Variants in HS2ST1 observed in about 807,000 individuals in gnomAD.
HS2ST1 encodes the protein heparan sulfate 2-O-sulfotransferase 1.
A neutral mutation model predicts 42.9 loss-of-function variants in HS2ST1; 18 were observed. The observed-to-expected ratio is 0.42, with a 90% confidence interval of 0.29 to 0.62. The LOEUF is 0.62. Ranked by LOEUF, HS2ST1 falls within the 20% of genes least tolerant of loss-of-function variation. The probability of loss-of-function intolerance (pLI) is 0.21; values close to 1 mark genes in which losing one functional copy is unlikely to be tolerated. For missense variants in HS2ST1, 334 were observed against 433.8 expected (o/e 0.77, Z 2.04); for synonymous variants, 146 against 152.9 (o/e 0.95, Z 0.33).
chr1:86,947,438 T>A lies in HS2ST1; in HGVS notation c.124+32278T>A, dbSNP rs117182878. The stretch of plus-strand genomic sequence containing the variant: ...TCCAGAAAAATATCTGTTGTTTGCG[T>A]ATTACTTGCCCTTGTTTAGTATAGT... On this transcript the variant is annotated intron_variant, in intron 1 of 6. Coordinates refer to ENST00000370550, the MANE Select transcript of HS2ST1 (RefSeq NM_012262.4). Among the ~76,000 whole-genome samples the A allele has an allele frequency of 2.5e-4, 38 of 152,320 alleles. No individual in the cohort carries two copies. The East Asian group carries it at 7.3e-3, about 29-fold the overall frequency.
At chr1:86,998,034 G>A (rs1649156987) in intron 1 of HS2ST1, among the ~76,000 whole-genome samples, 1 of 152,176 alleles carries the variant, frequency 6.6e-6, no homozygotes, top group Admixed American at 6.6e-5. Flanking sequence ...AGCAATATAT[G>A]ATTCTTACTA....
intron 1 of HS2ST1, among the ~76,000 whole-genome samples, chr1:87,043,267 T>A (rs558168911): frequency 6.6e-6 from 1 of 152,172 alleles, no homozygotes; most frequent in East Asian, 1.9e-4. Flanking sequence ...TCAGAATTAG[T>A]CCTACATTGA....
intron 3 of HS2ST1, among the ~76,000 whole-genome samples, chr1:87,090,380 A>C (rs1195234155): frequency 6.6e-6 from 1 of 152,030 alleles, no homozygotes; most frequent in Admixed American, 6.6e-5. Flanking sequence ...CTTTTAAAAA[A>C]AACTGTGAAA....
At chr1:87,044,931 C>T (rs1484901321) in intron 1 of HS2ST1, 19 of 1,557,280 alleles carry the variant, frequency 1.2e-5, no homozygotes, top group Middle Eastern at 1.7e-4. Context: ...CATTTCTGTT[C>T]AATCTAATGC....
chr1:87,069,265 T>C (rs1308196100), intron 1 of HS2ST1, among the ~76,000 whole-genome samples: 1 of 152,234 alleles, frequency 6.6e-6, no homozygotes, highest in African/African-American at 2.4e-5. Context: ...TGCAATTTAT[T>C]ACTCAAAGAT....
chr1:86,975,190 C>T (rs552391695), intron 1 of HS2ST1, among the ~76,000 whole-genome samples: 3 of 151,890 alleles, frequency 2.0e-5, no homozygotes, highest in Admixed American at 6.6e-5. Context: ...AAGTTTTATA[C>T]GCATATTTTA....
At chr1:86,918,263 C>T (rs1014119885) in intron 1 of HS2ST1, among the ~76,000 whole-genome samples, 5 of 151,552 alleles carry the variant, frequency 3.3e-5, no homozygotes, top group Non-Finnish European at 5.9e-5. Flanking sequence ...TTTTAAAAAA[C>T]AAATATGGCA....
intron 1 of HS2ST1, among the ~76,000 whole-genome samples, chr1:86,926,108 G>A (rs1181079136): frequency 6.6e-6 from 1 of 152,104 alleles, no homozygotes; most frequent in East Asian, 1.9e-4. Flanking sequence ...GACTAATTTT[G>A]CTCCATTACT....
At chr1:87,064,393 A>G (rs1261267882) in intron 1 of HS2ST1, 10 of 483,088 alleles carry the variant, frequency 2.1e-5, no homozygotes, top group East Asian at 5.5e-5. Flanking sequence ...ATTGTGTGCC[A>G]GTATTTTAGG....
intron 1 of HS2ST1, among the ~76,000 whole-genome samples, chr1:86,970,386 T>G (rs1308414302): frequency 1.3e-5 from 2 of 152,136 alleles, no homozygotes; most frequent in African/African-American, 4.8e-5. Context: ...TTAAAAGATT[T>G]TAAGCATAAT....
intron 1 of HS2ST1, among the ~76,000 whole-genome samples, chr1:86,998,830 C>T (rs1649186296): frequency 6.6e-6 from 1 of 152,186 alleles, no homozygotes; most frequent in South Asian, 2.1e-4. Context: ...AACTTTGCTA[C>T]TCAAACTGTG....
chr1:86,967,734 G>A (rs934909250), intron 1 of HS2ST1, among the ~76,000 whole-genome samples: 1 of 152,186 alleles, frequency 6.6e-6, no homozygotes, highest in African/African-American at 2.4e-5. Context: ...TACCTTTGCA[G>A]TTGTGAATTG....
At chr1:86,926,655 A>ATCT (rs1660428520) in intron 1 of HS2ST1, among the ~76,000 whole-genome samples, 1 of 152,144 alleles carries the variant, frequency 6.6e-6, no homozygotes, top group African/African-American at 2.4e-5. Context: ...AACTGGGTGA[A>ATCT]TCTTTGATTG....
intron 2 of HS2ST1, among the ~76,000 whole-genome samples, chr1:87,081,783 C>T (rs936422455): frequency 6.6e-6 from 1 of 151,714 alleles, no homozygotes; most frequent in Non-Finnish European, 1.5e-5. Flanking sequence ...GTCAAGAGAT[C>T]GAGACCGTCC....
chr1:86,974,389 C>G (rs892911978), intron 1 of HS2ST1, among the ~76,000 whole-genome samples: 2 of 152,192 alleles, frequency 1.3e-5, no homozygotes, highest in Non-Finnish European at 2.9e-5. Context: ...TGTGCACCTC[C>G]TCTACCTTGC....
intron 1 of HS2ST1, chr1:87,046,060 A>T: frequency 1.5e-6 from 1 of 665,756 alleles, no homozygotes. Flanking sequence ...ATGGTTGCCT[A>T]CCATGACAGC....
chr1:86,922,003 A>T (rs1030714225), intron 1 of HS2ST1, among the ~76,000 whole-genome samples: 1 of 152,138 alleles, frequency 6.6e-6, no homozygotes, highest in Admixed American at 6.6e-5. Context: ...AGAACACTTA[A>T]TGTGATTATT....
At position 87,080,086 on chromosome 1, in the gene HS2ST1, A is replaced by C. The variant is rs192250950; in HGVS notation, c.364-4108A>C. Reference sequence around the variant, plus strand: ...AACAAATAGATTCTAGAGAATTTTAAAGCAATAATAATCACCTGAATTTAC... The same window carrying C: ...AACAAATAGATTCTAGAGAATTTTACAGCAATAATAATCACCTGAATTTAC... On this transcript the variant is annotated intron_variant, in intron 2 of 6. Coordinates refer to ENST00000370550, the MANE Select transcript of HS2ST1 (RefSeq NM_012262.4). Among the ~76,000 whole-genome samples the C allele has an allele frequency of 2.7e-3, 414 of 152,226 alleles. 2 individuals carry two copies. The highest frequency in any genetic ancestry group is 4.0e-3 in the Non-Finnish European group (275 of 67,990).
At chr1:87,045,948 T>C (rs866885363) in intron 1 of HS2ST1, 81 of 717,656 alleles carry the variant, frequency 1.1e-4, no homozygotes, top group South Asian at 1.1e-3. Context: ...TTACTATTGA[T>C]GTCAGCAACC....
Sources: gnomAD v4.1 joint callset for allele counts (sites outside exome capture counted in the v4.1 genomes callset) on GRCh38, gnomAD v4.1.1 for gene constraint, MANE v1.5 for transcripts, NCBI Gene and HGNC (gene_info 2026-07-23, HGNC 2026-07-21) for gene names.